The following SYT1 variants were observed in gnomAD, a reference collection of about 807,000 sequenced individuals.
SYT1 encodes the protein synaptotagmin-1.
In SYT1, 8 loss-of-function variants were observed where a neutral mutation model predicts 44.8. The observed-to-expected ratio is 0.18, with a 90% CI of 0.10 to 0.32. The LOEUF (loss-of-function observed/expected upper bound fraction) is 0.32, where lower values mean the gene tolerates loss of function less well. Ranked by LOEUF, SYT1 falls within the 10% of genes least tolerant of loss-of-function variation. The pLI, the probability that SYT1 is intolerant of heterozygous loss-of-function variation, is 1.00. For synonymous variants in SYT1, 154 were observed against 188.8 expected, an observed-to-expected ratio of 0.82 and a Z score of 1.51; for missense variants, 286 against 509.3, an observed-to-expected ratio of 0.56 and a Z score of 4.22.
At chr12:78,870,727 C>A (rs781486508) in intron 1 of SYT1, among the ~76,000 whole-genome samples, 1 of 151,948 alleles carries the variant, frequency 6.6e-6, no homozygotes, top group Admixed American at 6.6e-5. Flanking sequence ...AGGGAACAGC[C>A]TCTTGTTTTA....
intron 1 of SYT1, among the ~76,000 whole-genome samples, chr12:78,929,208 T>A (rs1284115586): frequency 6.6e-6 from 1 of 151,070 alleles, no homozygotes; most frequent in Non-Finnish European, 1.5e-5. Flanking sequence ...TCAAGACCAG[T>A]CTAGCCAACG....
intron 3 of SYT1, among the ~76,000 whole-genome samples, chr12:79,069,014 A>G (rs1876082019): frequency 6.6e-6 from 1 of 152,162 alleles, no homozygotes; most frequent in African/African-American, 2.4e-5. Flanking sequence ...AATATAGACC[A>G]TTTCAATACT....
intron 3 of SYT1, among the ~76,000 whole-genome samples, chr12:79,062,721 T>C (rs1875481688): frequency 6.6e-6 from 1 of 152,202 alleles, no homozygotes; most frequent in South Asian, 2.1e-4. Flanking sequence ...GAAGTACTTA[T>C]TTTGTTAGTA....
intron 3 of SYT1, among the ~76,000 whole-genome samples, chr12:79,051,915 G>A (rs969191021): frequency 6.6e-5 from 10 of 152,124 alleles, no homozygotes; most frequent in African/African-American, 2.4e-4. Context: ...GTACCCTGCT[G>A]TTTCAGTTAC....
At chr12:79,086,850 G>A (rs972757258) in intron 3 of SYT1, among the ~76,000 whole-genome samples, 5 of 152,010 alleles carry the variant, frequency 3.3e-5, no homozygotes, top group African/African-American at 7.2e-5. Context: ...ATGCATGGCC[G>A]GGTATTCTTG....
intron 9 of SYT1, among the ~76,000 whole-genome samples, chr12:79,394,519 C>CTAATAAA (rs1884795888): frequency 6.6e-6 from 1 of 152,140 alleles, no homozygotes; most frequent in South Asian, 2.1e-4. Context: ...CCCATTTAAG[C>CTAATAAA]TAATAAAGAT....
At chr12:79,239,009 G>A (rs1876348314) in intron 4 of SYT1, among the ~76,000 whole-genome samples, 1 of 152,106 alleles carries the variant, frequency 6.6e-6, no homozygotes, top group South Asian at 2.1e-4. Flanking sequence ...CTAGTTATTT[G>A]CCTTATTCTT....
intron 8 of SYT1, among the ~76,000 whole-genome samples, chr12:79,308,589 AAG>A (rs1304520601): frequency 3.3e-5 from 4 of 122,686 alleles, no homozygotes; most frequent in East Asian, 3.1e-4. Context: ...AAGGAAAAGA[AAG>A]AAGAAAGAAA....
rs59258612 is a variant in SYT1 at position 79,336,747 on chromosome 12, G to A, written c.811-16755G>A. 6.7e-3 allele frequency among the ~76,000 whole-genome samples: 1,015 copies of A among 152,190 alleles called. 9 individuals carry two copies. Among genetic ancestry groups the A allele is most frequent in the African/African-American group, 0.023 (961 of 41,522 alleles). On this transcript the variant is annotated intron_variant, in intron 8 of 10. Coordinates refer to ENST00000261205, the MANE Select transcript of SYT1 (RefSeq NM_005639.3). Reference sequence around the variant, plus strand: ...TGGGCTCAAGCAATCCTTCCACCTCGGCCTCTGGAATAGCTGGGATGACCG... The same window carrying A: ...TGGGCTCAAGCAATCCTTCCACCTCAGCCTCTGGAATAGCTGGGATGACCG...
chr12:78,884,073 ACT>A (rs1445806941), intron 1 of SYT1, among the ~76,000 whole-genome samples: 1 of 151,592 alleles, frequency 6.6e-6, no homozygotes, highest in Non-Finnish European at 1.5e-5. Context: ...TTTTTCAGAC[ACT>A]GTTTTCTTTC....
intron 9 of SYT1, among the ~76,000 whole-genome samples, chr12:79,396,999 G>A (rs4578461): frequency 6.6e-6 from 1 of 152,142 alleles, no homozygotes; most frequent in Admixed American, 6.5e-5. Flanking sequence ...AGAGGAAGAG[G>A]GTTTCAGGCA....
At chr12:79,292,260 T>C in intron 6 of SYT1, 130 bp downstream of exon 6, 1 of 1,145,170 alleles carries the variant, frequency 8.7e-7, no homozygotes, top group Non-Finnish European at 1.2e-6. Context: ...AAGCTATGGA[T>C]GAAATAATTT....
intron 1 of SYT1, among the ~76,000 whole-genome samples, chr12:78,914,549 G>A (rs1049499382): frequency 2.0e-5 from 3 of 151,952 alleles, no homozygotes; most frequent in Admixed American, 6.6e-5. Flanking sequence ...TAGATAGAGC[G>A]ATAGATGATA....
chr12:78,911,127 T>A (rs967809912), intron 1 of SYT1, among the ~76,000 whole-genome samples: 2 of 152,016 alleles, frequency 1.3e-5, no homozygotes, highest in East Asian at 3.9e-4. Flanking sequence ...TAGGTGAAAG[T>A]AGCACTAAGG....
intron 3 of SYT1, among the ~76,000 whole-genome samples, chr12:79,071,370 T>G (rs919976735): frequency 1.3e-5 from 2 of 152,150 alleles, no homozygotes; most frequent in Non-Finnish European, 2.9e-5. Context: ...GCTCACAGTC[T>G]AAGAGAGTGG....
intron 4 of SYT1, among the ~76,000 whole-genome samples, chr12:79,242,270 G>A (rs1245806): frequency 0.7 from 106,387 of 152,038 alleles, 37,667 homozygotes; most frequent in African/African-American, 0.76. Flanking sequence ...GTCACCCACC[G>A]CTCCTGAAGG....
At chr12:79,308,524 A>G (rs565128212) in intron 8 of SYT1, among the ~76,000 whole-genome samples, 72 of 144,502 alleles carry the variant, frequency 5.0e-4, no homozygotes, top group African/African-American at 1.8e-3. Context: ...AAAGAAAGAA[A>G]GAAGAAATAA....
chr12:78,923,437 T>C (rs1404889738), intron 1 of SYT1, among the ~76,000 whole-genome samples: 1 of 151,912 alleles, frequency 6.6e-6, no homozygotes, highest in Non-Finnish European at 1.5e-5. Context: ...TGACTAAAAG[T>C]TTAGATGCTG....
intron 2 of SYT1, among the ~76,000 whole-genome samples, chr12:79,041,323 T>C (rs1475492348): frequency 6.6e-6 from 1 of 152,238 alleles, no homozygotes; most frequent in Non-Finnish European, 1.5e-5. Context: ...GTAGTTCTCC[T>C]TGAAGAGGTC....
Sources: gnomAD v4.1 joint callset for allele counts (sites outside exome capture counted in the v4.1 genomes callset) on GRCh38, gnomAD v4.1.1 for gene constraint, MANE v1.5 for transcripts, NCBI Gene and HGNC (gene_info 2026-07-23, HGNC 2026-07-21) for gene names.